HBS1L: variants seen among roughly 807,000 people sequenced by gnomAD.
HBS1L encodes HBS1 like translational GTPase.
Under a neutral mutation model 88.9 loss-of-function variants are expected in HBS1L, and 55 were observed. The observed-to-expected ratio is 0.62, with a 90% CI of 0.50 to 0.77. The LOEUF (loss-of-function observed/expected upper bound fraction) is 0.77. HBS1L is among the 30% of genes least tolerant of loss of function. HBS1L has a pLI of 0.00. For synonymous variants in HBS1L, 267 were observed against 288.5 expected, an observed-to-expected ratio of 0.93 and a Z score of 0.76; for missense variants, 741 against 829.3, an observed-to-expected ratio of 0.89 and a Z score of 1.31.
chr6:135,032,256 T>C (rs1373286092), intron 4 of HBS1L, among the ~76,000 whole-genome samples: 1 of 151,148 alleles, frequency 6.6e-6, no homozygotes, highest in Non-Finnish European at 1.5e-5. Flanking sequence ...TCCTAATGGA[T>C]AGATTGTATG....
At chr6:135,011,427 G>T (rs115025973) in intron 4 of HBS1L, among the ~76,000 whole-genome samples, 4,001 of 152,236 alleles carry the variant, frequency 0.026, 188 homozygotes, top group African/African-American at 0.092. Context: ...GGTTGAGATG[G>T]GAGGATCAAT....
intron 4 of HBS1L, among the ~76,000 whole-genome samples, chr6:135,008,676 C>A (rs1443227495): frequency 1.3e-5 from 2 of 151,926 alleles, no homozygotes; most frequent in Non-Finnish European, 2.9e-5. Context: ...AAAGGTAGAT[C>A]TCTCTCACAT....
rs2114733763 is a variant in HBS1L at position 134,964,012 on chromosome 6, A to G, written c.*1267T>C. On this transcript the variant is annotated 3_prime_UTR_variant, in exon 18 of 18. Coordinates refer to ENST00000367837, the MANE Select transcript of HBS1L (RefSeq NM_006620.4). ...ACTACACATGTATTTTGGTAAAGCA[A>G]TATACCAAGTGTGTTCACTTGGTAA... 6.6e-6 allele frequency: 1 copy of G among 152,328 alleles called. No individual in the cohort carries two copies. Among genetic ancestry groups the G allele is most frequent in the South Asian group, 2.1e-4 (1 of 4,820 alleles). 9.4% of individuals were successfully genotyped at this position (152,328 alleles called of 1,614,324 possible). A position where few individuals can be genotyped will look rare whatever the true frequency, so the allele number is the denominator to read the frequency against.
At chr6:135,025,728 G>A (rs562981140) in intron 4 of HBS1L, among the ~76,000 whole-genome samples, 1 of 152,162 alleles carries the variant, frequency 6.6e-6, no homozygotes, top group Non-Finnish European at 1.5e-5. Context: ...AAACAAGGTA[G>A]ATGAAGAATA....
chr6:135,000,035 G>A (rs1418184738), intron 5 of HBS1L, among the ~76,000 whole-genome samples: 1 of 151,598 alleles, frequency 6.6e-6, no homozygotes, highest in African/African-American at 2.4e-5. Flanking sequence ...GTATCATTTT[G>A]TAAGCTTTTT....
At chr6:135,042,310 C>T (rs1461042527) in intron 2 of HBS1L, among the ~76,000 whole-genome samples, 184 bp from the exon 3 acceptor site, 1 of 152,064 alleles carries the variant, frequency 6.6e-6, no homozygotes, top group Non-Finnish European at 1.5e-5. Context: ...CTCGAAGGTG[C>T]TTACAATTTA....
intron 7 of HBS1L, 35 bp from the exon 8 acceptor site, chr6:134,993,910 T>C (rs1384107522): frequency 1.6e-5 from 16 of 982,552 alleles, no homozygotes; most frequent in Admixed American, 3.6e-5. Context: ...GAATGTACGA[T>C]ATAAATAGTG....
At chr6:135,035,253 T>A (rs1392043723) in intron 4 of HBS1L, among the ~76,000 whole-genome samples, 1 of 151,582 alleles carries the variant, frequency 6.6e-6, no homozygotes, top group Non-Finnish European at 1.5e-5. Context: ...AGATCAAGAC[T>A]ATCCTGGCCA....
At chr6:135,015,117 T>C (rs1775883624) in intron 4 of HBS1L, among the ~76,000 whole-genome samples, 1 of 152,132 alleles carries the variant, frequency 6.6e-6, no homozygotes, top group Non-Finnish European at 1.5e-5. Context: ...TTTACAGGAA[T>C]GTTTACCAAC....
intron 4 of HBS1L, chr6:135,027,017 T>A (rs571522079): frequency 1.4e-4 from 21 of 150,160 alleles, no homozygotes; most frequent in African/African-American, 4.9e-4. Context: ...AGTGGCAAGA[T>A]CCCATCTCTA....
chr6:134,984,563 G>A (rs1005715899), intron 12 of HBS1L, among the ~76,000 whole-genome samples: 2 of 152,132 alleles, frequency 1.3e-5, no homozygotes, highest in Non-Finnish European at 2.9e-5. Context: ...TGCATTGCTG[G>A]CTCTGTGACA....
chr6:135,028,028 A>G (rs769710129), intron 4 of HBS1L, among the ~76,000 whole-genome samples: 1 of 152,112 alleles, frequency 6.6e-6, no homozygotes, highest in African/African-American at 2.4e-5. Flanking sequence ...CAGCCTCCTA[A>G]GCGCTGGGAA....
At chr6:135,005,122 TAA>T (rs1775574850) in intron 4 of HBS1L, among the ~76,000 whole-genome samples, 1 of 152,142 alleles carries the variant, frequency 6.6e-6, no homozygotes, top group African/African-American at 2.4e-5. Context: ...TCACTTTAGA[TAA>T]AAGTCATTGG....
In HBS1L at chr6:134,964,422, T is replaced by C. The variant is rs761383768; in HGVS notation, c.*857A>G. 6.6e-6 allele frequency: 1 copy of C among 152,146 alleles called. No homozygotes were observed. Among genetic ancestry groups the C allele is most frequent in the Non-Finnish European group, 1.5e-5 (1 of 68,030 alleles). 9.4% of individuals were successfully genotyped at this position (152,146 alleles called of 1,614,324 possible). A position where few individuals can be genotyped will look rare whatever the true frequency, so the allele number is the denominator to read the frequency against. On this transcript the variant is annotated 3_prime_UTR_variant, in exon 18 of 18. Coordinates refer to ENST00000367837, the MANE Select transcript of HBS1L (RefSeq NM_006620.4). ...AAGATAAAGAAAGGGCCATCATAGG[T>C]ATAATTCTAAAAGTGAGAATGGGAA...
At chr6:135,011,905 TAAAA>T (rs10605981) in intron 4 of HBS1L, among the ~76,000 whole-genome samples, 12 of 112,544 alleles carry the variant, frequency 1.1e-4, no homozygotes, top group Non-Finnish European at 1.1e-4. Flanking sequence ...AAACTTGTCT[TAAAA>T]AAAAAAAAAA....
At chr6:135,015,443 C>A (rs754207279) in intron 4 of HBS1L, among the ~76,000 whole-genome samples, 22 of 152,166 alleles carry the variant, frequency 1.4e-4, no homozygotes, top group Non-Finnish European at 3.2e-4. Flanking sequence ...CTCCCCTTTC[C>A]ACTCTCTGTC....
At chr6:135,038,094 C>A (rs1583148756) in intron 4 of HBS1L, 2 of 1,242,234 alleles carry the variant, frequency 1.6e-6, no homozygotes, top group African/African-American at 1.5e-5. Flanking sequence ...GTCACAGCAA[C>A]CAAAAGGAAA....
chr6:134,997,256 C>T (rs1775315714), intron 6 of HBS1L, 141 bp downstream of exon 6: 2 of 952,868 alleles, frequency 2.1e-6, no homozygotes, highest in Non-Finnish European at 3.1e-6. Flanking sequence ...CCCCACATGA[C>T]TAGAAAGCAT....
At chr6:134,993,412 T>G (rs1371904091) in intron 8 of HBS1L, among the ~76,000 whole-genome samples, 3 of 152,162 alleles carry the variant, frequency 2.0e-5, no homozygotes, top group Non-Finnish European at 4.4e-5. Flanking sequence ...AGAACTTGAA[T>G]ATATTGAAAG....
Sources: allele counts gnomAD v4.1 joint callset (sites outside exome capture counted in the v4.1 genomes callset), GRCh38; gene constraint gnomAD v4.1.1; transcripts MANE v1.5; gene names NCBI Gene and HGNC (gene_info 2026-07-23, HGNC 2026-07-21).